The following CCDC192 variants were observed in gnomAD, a reference collection of about 807,000 sequenced individuals.
CCDC192 encodes coiled-coil domain containing 192, also known as coiled-coil domain-containing protein 192.
At chr5:127,898,768 GGGA>G (rs1752963377) in intron 6 of CCDC192, among the ~76,000 whole-genome samples, 1 of 152,144 alleles carries the variant, frequency 6.6e-6, no homozygotes, top group South Asian at 2.1e-4. Flanking sequence ...GGGTGAGAGA[GGGA>G]GGGAGAAAGA....
intron 2 of CCDC192, among the ~76,000 whole-genome samples, chr5:127,737,482 C>T (rs1324687700): frequency 6.6e-6 from 1 of 151,326 alleles, no homozygotes; most frequent in Non-Finnish European, 1.5e-5. Context: ...TCCTGGGTAT[C>T]CTTGTTGACT....
At chr5:127,824,878 A>G (rs1287675622) in intron 5 of CCDC192, among the ~76,000 whole-genome samples, 2 of 152,208 alleles carry the variant, frequency 1.3e-5, no homozygotes, top group African/African-American at 4.8e-5. Context: ...ATGGTGACAA[A>G]TACTTGAATC....
At chr5:127,870,549 A>G (rs1010742159) in intron 5 of CCDC192, among the ~76,000 whole-genome samples, 11 of 152,252 alleles carry the variant, frequency 7.2e-5, no homozygotes, top group Admixed American at 6.5e-4. Flanking sequence ...GATTAGGTCC[A>G]GCTGAACTCT....
chr5:127,936,898 G>A (rs1754201468), intron 6 of CCDC192, among the ~76,000 whole-genome samples: 1 of 152,152 alleles, frequency 6.6e-6, no homozygotes, highest in Admixed American at 6.5e-5. Context: ...AGGACTTTGG[G>A]GACACACATC....
At chr5:127,935,070 C>T (rs554200430) in intron 6 of CCDC192, among the ~76,000 whole-genome samples, 1 of 152,266 alleles carries the variant, frequency 6.6e-6, no homozygotes, top group South Asian at 2.1e-4. Flanking sequence ...TAGTCATTAG[C>T]TTGAAAGGCA....
At chr5:127,864,949 C>A (rs912932189) in intron 5 of CCDC192, among the ~76,000 whole-genome samples, 2 of 152,146 alleles carry the variant, frequency 1.3e-5, no homozygotes, top group Admixed American at 1.3e-4. Context: ...AGATTGAGGC[C>A]ATCCTGGCTA....
intron 2 of CCDC192, among the ~76,000 whole-genome samples, chr5:127,745,545 T>C: frequency 6.6e-6 from 1 of 152,194 alleles, no homozygotes; most frequent in South Asian, 2.1e-4. Context: ...AGATTGATCA[T>C]CTTGGCTACA....
At chr5:127,914,427 T>C (rs1030884532) in intron 6 of CCDC192, among the ~76,000 whole-genome samples, 8 of 152,198 alleles carry the variant, frequency 5.3e-5, no homozygotes, top group African/African-American at 1.7e-4. Flanking sequence ...TTTACACCAA[T>C]GTATAAATAC....
intron 2 of CCDC192, among the ~76,000 whole-genome samples, chr5:127,721,854 G>A (rs967412139): frequency 3.3e-5 from 5 of 152,096 alleles, no homozygotes; most frequent in Non-Finnish European, 5.9e-5. Context: ...AGAGAAAGCG[G>A]GGAGGTGCCA....
At chr5:127,846,934 G>A (rs1372913355) in intron 5 of CCDC192, among the ~76,000 whole-genome samples, 4 of 150,898 alleles carry the variant, frequency 2.7e-5, no homozygotes, top group African/African-American at 7.3e-5. Flanking sequence ...GAAAAAGGTC[G>A]ATTAATATTT....
chr5:127,857,186 A>G (rs1751138873), intron 5 of CCDC192, among the ~76,000 whole-genome samples: 1 of 152,176 alleles, frequency 6.6e-6, no homozygotes, highest in Non-Finnish European at 1.5e-5. Context: ...ACCCCACCTC[A>G]CATGAACACT....
intron 2 of CCDC192, among the ~76,000 whole-genome samples, chr5:127,745,363 A>G (rs977325349): frequency 1.3e-5 from 2 of 152,232 alleles, no homozygotes; most frequent in African/African-American, 4.8e-5. Context: ...TTTCTTTTAA[A>G]TTATCCAATG....
chr5:127,852,940 A>T (rs1218289883), intron 5 of CCDC192, among the ~76,000 whole-genome samples: 1 of 152,052 alleles, frequency 6.6e-6, no homozygotes, highest in African/African-American at 2.4e-5. Context: ...AATACAAAAA[A>T]TTAGCCGGGT....
intron 3 of CCDC192, chr5:127,786,828 T>C (rs879114859): frequency 4.4e-5 from 23 of 527,650 alleles, no homozygotes; most frequent in South Asian, 3.7e-4. Context: ...TGTCTGCCCC[T>C]TTTTTGATGT....
intron 2 of CCDC192, among the ~76,000 whole-genome samples, chr5:127,746,222 T>A (rs1753733723): frequency 6.6e-6 from 1 of 152,240 alleles, no homozygotes; most frequent in Non-Finnish European, 1.5e-5. Context: ...CTAAAACAGA[T>A]GACAATTTCC....
At chr5:127,928,728 A>G (rs997557082) in intron 6 of CCDC192, among the ~76,000 whole-genome samples, 1 of 151,984 alleles carries the variant, frequency 6.6e-6, no homozygotes, top group South Asian at 2.1e-4. Context: ...TCTACATTTT[A>G]TATAAGTGAA....
intron 2 of CCDC192, among the ~76,000 whole-genome samples, chr5:127,752,979 G>T (rs538215321): frequency 4.3e-4 from 65 of 152,076 alleles, no homozygotes; most frequent in African/African-American, 1.5e-3. Context: ...GGGTCGCGTC[G>T]GTGTGCGCAC....
chr5:127,851,204 C>T (rs182705278), intron 5 of CCDC192, among the ~76,000 whole-genome samples: 51 of 152,216 alleles, frequency 3.4e-4, no homozygotes, highest in Non-Finnish European at 6.2e-4. Flanking sequence ...AAATTGGTGT[C>T]TATGATTTAC....
chr5:127,913,620 A>T (rs1753436766), intron 6 of CCDC192, among the ~76,000 whole-genome samples: 1 of 152,262 alleles, frequency 6.6e-6, no homozygotes, highest in South Asian at 2.1e-4. Flanking sequence ...ATGAAAAGAC[A>T]TTTAGAATCC....
Sources: gnomAD v4.1 joint callset for allele counts (sites outside exome capture counted in the v4.1 genomes callset) on GRCh38, gnomAD v4.1.1 for gene constraint, MANE v1.5 for transcripts, NCBI Gene and HGNC (gene_info 2026-07-23, HGNC 2026-07-21) for gene names.